Variants in SENP6 observed in about 807,000 individuals in gnomAD.
The protein encoded by SENP6 is sentrin-specific protease 6.
SENP6 carries 41 observed loss-of-function variants against 134.5 expected under a neutral mutation model. The observed-to-expected ratio is 0.30, with a 90% CI of 0.24 to 0.40. The LOEUF (loss-of-function observed/expected upper bound fraction) is 0.40. SENP6 is among the 10% of genes least tolerant of loss of function. SENP6 has a pLI of 1.00. For missense variants in SENP6, 1,248 were observed against 1,312.5 expected (o/e 0.95, Z 0.76); for synonymous variants, 395 against 429.8 (o/e 0.92, Z 1.00).
chr6:75,652,428 G>C (rs925123137), intron 7 of SENP6, among the ~76,000 whole-genome samples: 2 of 151,846 alleles, frequency 1.3e-5, no homozygotes, highest in African/African-American at 2.4e-5. Context: ...TATTATTACT[G>C]TACTGGTACG....
In SENP6 at chr6:75,670,760, A is replaced by G. The variant is rs553612534; in HGVS notation, c.1392+40A>G. On this transcript the variant is annotated intron_variant, in intron 11 of 23. Coordinates refer to ENST00000447266, the MANE Select transcript of SENP6 (RefSeq NM_015571.4). Reference sequence around the variant, plus strand: ...AGCTCTTTACTATACCAATTATAACATTAAAAATTCCGTTGCTAAAGCTAA... The same window carrying G: ...AGCTCTTTACTATACCAATTATAACGTTAAAAATTCCGTTGCTAAAGCTAA... 3.2e-6 allele frequency: 4 copies of G among 1,253,308 alleles called. No homozygotes were observed. In the East Asian group the frequency reaches 8.3e-5, roughly 26 times the overall value. The allele number at this position is 1,253,308 out of a possible 1,614,324, so 77.6% of individuals were successfully genotyped here.
At chr6:75,656,652 A>AT (rs1356760517) in intron 7 of SENP6, among the ~76,000 whole-genome samples, 11 of 152,128 alleles carry the variant, frequency 7.2e-5, no homozygotes, top group African/African-American at 2.7e-4. Context: ...TGAGGCTAAC[A>AT]TTTTTGTGTT....
At chr6:75,674,889 C>G (rs925617556) in intron 11 of SENP6, among the ~76,000 whole-genome samples, 1 of 152,174 alleles carries the variant, frequency 6.6e-6, no homozygotes, top group African/African-American at 2.4e-5. Flanking sequence ...TTCCATATAT[C>G]TATTCATCCC....
intron 2 of SENP6, chr6:75,622,943 AAC>A: frequency 1.7e-6 from 1 of 585,900 alleles, no homozygotes; most frequent in Non-Finnish European, 2.5e-6. Context: ...TAAAATATAA[AAC>A]AATTATTCAG....
chr6:75,650,225 T>G (rs1041903307), intron 7 of SENP6, among the ~76,000 whole-genome samples: 2 of 152,184 alleles, frequency 1.3e-5, no homozygotes, highest in African/African-American at 4.8e-5. Flanking sequence ...GTGCATCATT[T>G]TAGGGGTTAC....
chr6:75,706,051 C>T (rs1775390033), intron 19 of SENP6, among the ~76,000 whole-genome samples: 1 of 145,156 alleles, frequency 6.9e-6, no homozygotes, highest in Non-Finnish European at 1.5e-5. Flanking sequence ...ATTGTCTTCT[C>T]TTGCCTCAGC....
intron 5 of SENP6, among the ~76,000 whole-genome samples, chr6:75,637,412 A>G (rs913259414): frequency 6.6e-6 from 1 of 152,172 alleles, no homozygotes; most frequent in African/African-American, 2.4e-5. Flanking sequence ...TTTGGGTCAT[A>G]ATTAAGATTC....
intron 7 of SENP6, among the ~76,000 whole-genome samples, chr6:75,648,448 A>G (rs1770619974): frequency 6.6e-6 from 1 of 152,164 alleles, no homozygotes; most frequent in Admixed American, 6.5e-5. Context: ...TCTTACTTCC[A>G]AAATAGAATA....
At chr6:75,711,953 G>A (rs972305278) in intron 21 of SENP6, among the ~76,000 whole-genome samples, 6 of 152,174 alleles carry the variant, frequency 3.9e-5, no homozygotes, top group Admixed American at 2.0e-4. Flanking sequence ...GATTACAGGC[G>A]TGACCCATCG....
intron 7 of SENP6, among the ~76,000 whole-genome samples, chr6:75,648,266 G>T (rs1214145290): frequency 2.0e-5 from 3 of 151,976 alleles, no homozygotes; most frequent in Non-Finnish European, 4.4e-5. Context: ...TATTCATATT[G>T]AAATATTTTT....
At chr6:75,637,919 G>C (rs1378050010) in intron 5 of SENP6, among the ~76,000 whole-genome samples, 1 of 151,974 alleles carries the variant, frequency 6.6e-6, no homozygotes, top group East Asian at 1.9e-4. Flanking sequence ...GGAGTGCAGT[G>C]GCGTGATCTC....
intron 16 of SENP6, among the ~76,000 whole-genome samples, chr6:75,688,888 G>C (rs1392790502): frequency 6.6e-6 from 1 of 152,210 alleles, no homozygotes; most frequent in Admixed American, 6.5e-5. Flanking sequence ...CCAACATGGA[G>C]AAACCCCAAC....
At chr6:75,695,337 C>T (rs1400583141) in intron 16 of SENP6, among the ~76,000 whole-genome samples, 1 of 152,124 alleles carries the variant, frequency 6.6e-6, no homozygotes, top group Non-Finnish European at 1.5e-5. Flanking sequence ...ATTTTCATTG[C>T]CTGAAGATAA....
chr6:75,690,789 G>A (rs930077904), intron 16 of SENP6, among the ~76,000 whole-genome samples: 4 of 151,242 alleles, frequency 2.6e-5, no homozygotes, highest in African/African-American at 7.3e-5. Flanking sequence ...TCCGCCTCAC[G>A]GGTTCATGCC....
Position 75,633,567 on chromosome 6 carries a change from A to G in SENP6, c.208-14A>G. The stretch of plus-strand genomic sequence containing the variant: ...TAGCATTTTTGACTCATATTTCTGG[A>G]TCTTTTTTTACAGTTAAATCGTCGA... On this transcript the variant is annotated splice_polypyrimidine_tract_variant and intron_variant, in intron 3 of 23. Transcript: ENST00000447266. 2.5e-6 allele frequency: 4 copies of G among 1,578,106 alleles called. No individual in the cohort carries two copies. In the Admixed American group the frequency reaches 5.9e-5, roughly 23 times the overall value.
rs1256026599 is a variant in SENP6 at position 75,666,761 on chromosome 6, A to G, written c.1044A>G (p.Arg348=). 6.2e-7 allele frequency: 1 copy of G among 1,608,734 alleles called. No homozygotes were observed. The highest frequency in any genetic ancestry group is 1.3e-5 in the African/African-American group (1 of 74,914). The change falls in exon 10 of 24, where the codon AGA becomes AGG. Residue 348 remains arginine (R), a synonymous_variant. Coordinates refer to ENST00000447266, the MANE Select transcript of SENP6 (RefSeq NM_015571.4). ...ATGACAACGACAGAACTAACAGAAG[A>G]GAAAGCATATCTCCTCAGCCTGCTG... ...DDDDNDRTNR[R]ESISPQPADS... is the part of the protein sequence containing the mutation.
chr6:75,639,433 A>G (rs1029468887), intron 5 of SENP6, among the ~76,000 whole-genome samples: 3 of 151,970 alleles, frequency 2.0e-5, no homozygotes, highest in Non-Finnish European at 2.9e-5. Context: ...ACAAGTTACT[A>G]TATTTTTTTT....
intron 10 of SENP6, among the ~76,000 whole-genome samples, chr6:75,668,430 T>C (rs1772416081): frequency 6.6e-6 from 1 of 152,102 alleles, no homozygotes. Flanking sequence ...ATATTTTTAA[T>C]TTTTAAAAAA....
chr6:75,661,784 C>T (rs1333173902), intron 8 of SENP6, among the ~76,000 whole-genome samples: 1 of 152,160 alleles, frequency 6.6e-6, no homozygotes, highest in Non-Finnish European at 1.5e-5. Context: ...CACAGTGGCT[C>T]ATGCCTGTAA....
Sources: gnomAD v4.1 joint callset for allele counts (sites outside exome capture counted in the v4.1 genomes callset) on GRCh38, gnomAD v4.1.1 for gene constraint, MANE v1.5 for transcripts, NCBI Gene and HGNC (gene_info 2026-07-23, HGNC 2026-07-21) for gene names.